Variants in GPN1 observed in about 807,000 individuals in gnomAD.
GPN1 encodes GPN-loop GTPase 1.
Under a neutral mutation model 55.9 loss-of-function variants are expected in GPN1, and 44 were observed. The ratio of observed to expected loss-of-function variants is 0.79; its 90% confidence interval spans 0.62 to 1.01. The LOEUF (loss-of-function observed/expected upper bound fraction) is 1.01, where lower values mean the gene tolerates loss of function less well. Among genes scored for constraint, GPN1 ranks in the 50% least tolerant of loss-of-function variants. GPN1 has a pLI of 0.00. For missense variants in GPN1, 466 were observed against 462.8 expected (o/e 1.01, Z -0.06); for synonymous variants, 179 against 162.5 (o/e 1.10, Z -0.77).
Position 27,640,057 on chromosome 2 carries a change from T to C in GPN1, c.732T>C (p.Ser244=). Residue 244 remains serine, a synonymous_variant, in exon 10 of 14, where the codon TCT becomes TCC. Transcript: ENST00000610189. ...FYSSLRVVGV[S]AVLGTGLDEL... ...CTTTTTGGCAGGTGGTGGGTGTCTC[T>C]GCTGTTCTGGGTACTGGATTAGATG... 1.2e-6 allele frequency: 2 copies of C among 1,611,192 alleles called. No homozygotes were observed. The highest frequency in any genetic ancestry group is 1.7e-6 in the Non-Finnish European group (2 of 1,177,308).
chr2:27,649,575 ATT>A (rs1212613108), intron 13 of GPN1, among the ~76,000 whole-genome samples: 1 of 152,000 alleles, frequency 6.6e-6, no homozygotes, highest in Non-Finnish European at 1.5e-5. Flanking sequence ...CCACTGACTG[ATT>A]TCTGTTCCTT....
At chr2:27,636,905 A>G (rs1673755997) in intron 7 of GPN1, among the ~76,000 whole-genome samples, 1 of 151,904 alleles carries the variant, frequency 6.6e-6, no homozygotes, top group Non-Finnish European at 1.5e-5. Context: ...CTGGTTTTGA[A>G]CTCGTGGGCT....
Position 27,641,267 on chromosome 2 carries a change from G to GA in GPN1, c.834dup (p.Ser279IlefsTer43), listed in dbSNP as rs770163516. On this transcript the variant is annotated frameshift_variant, in exon 11 of 14. Transcript: ENST00000610189. LOFTEE classifies it high-confidence loss of function. The stretch of plus-strand genomic sequence containing the variant: ...AGTATCGTCCTGAATATGAACGTCT[G>GA]AAAAAATCACTGGTAAGAAGGGAGG... 6.2e-6 allele frequency: 10 copies of GA among 1,607,708 alleles called. No homozygotes were observed. The South Asian group carries it at 7.7e-5, about 12-fold the overall frequency.
At chr2:27,629,640 A>G (rs1455085157) in intron 1 of GPN1, among the ~76,000 whole-genome samples, 3 of 152,226 alleles carry the variant, frequency 2.0e-5, no homozygotes, top group African/African-American at 7.2e-5. Flanking sequence ...AATCAAAACA[A>G]GTAAACAAGT....
chr2:27,640,631 T>C (rs1305798587), intron 10 of GPN1, among the ~76,000 whole-genome samples: 1 of 152,270 alleles, frequency 6.6e-6, no homozygotes, highest in Non-Finnish European at 1.5e-5. Context: ...ATAAATGTTA[T>C]AACTATTGTC....
At chr2:27,648,052 G>T in intron 13 of GPN1, 109 bp downstream of exon 13, 1 of 670,666 alleles carries the variant, frequency 1.5e-6, no homozygotes. Context: ...GTGGATAAAG[G>T]ATACAGCACC....
chr2:27,649,275 A>C (rs557898962), intron 13 of GPN1, among the ~76,000 whole-genome samples: 152 of 151,880 alleles, frequency 1.0e-3, no homozygotes, highest in African/African-American at 2.5e-3. Flanking sequence ...AAACAAAAAA[A>C]CACGAAAACC....
chr2:27,647,219 G>A (rs949629313), intron 12 of GPN1, among the ~76,000 whole-genome samples: 1 of 152,184 alleles, frequency 6.6e-6, no homozygotes, highest in Non-Finnish European at 1.5e-5. Context: ...TGAAGAGAGA[G>A]TGACTATGTC....
At chr2:27,640,211 C>A in intron 10 of GPN1, 86 bp downstream of exon 10, 3 of 874,688 alleles carry the variant, frequency 3.4e-6, no homozygotes, top group Non-Finnish European at 5.8e-6. Context: ...AAAAGCATTA[C>A]ATTTTCATGA....
At position 27,629,955 on chromosome 2, in the gene GPN1, G is replaced by T; in HGVS notation, c.205+3G>T. ...AGTTCCCTTTCCTGCCAATATTGGT[G>T]AGTAAACCAGTAACATAACTTGTGT... On this transcript the variant is annotated splice_donor_region_variant and intron_variant, in intron 2 of 13. Coordinates refer to ENST00000610189, the MANE Select transcript of GPN1 (RefSeq NM_007266.4). 1 of 1,475,328 alleles carries T rather than the reference G, an allele frequency of 6.8e-7. No individual in the cohort carries two copies. The allele number at this position is 1,475,328 out of a possible 1,614,324, so 91.4% of individuals were successfully genotyped here.
rs1314058985 is a variant in GPN1 at position 27,641,235 on chromosome 2, T to C, written c.801-5T>C. On this transcript the variant is annotated splice_region_variant and splice_polypyrimidine_tract_variant and intron_variant, in intron 10 of 13. Transcript: ENST00000610189. ...AAGGAATTTAGAAAGTGTTTCTCTT[T>C]ACAGGGAGTATCGTCCTGAATATGA... 1.3e-6 allele frequency: 2 copies of C among 1,598,254 alleles called. No homozygotes were observed. The highest frequency in any genetic ancestry group is 1.7e-5 in the Admixed American group (1 of 59,898).
intron 3 of GPN1, 96 bp downstream of exon 3, chr2:27,631,162 AAT>A: frequency 1.4e-6 from 1 of 714,484 alleles, no homozygotes; most frequent in Non-Finnish European, 2.6e-6. Flanking sequence ...TTCCTTGTGA[AAT>A]ATACAAGCAA....
rs954168876 is a variant in GPN1 at position 27,639,067 on chromosome 2, C to A, written c.717+36C>A. 5.2e-6 allele frequency: 8 copies of A among 1,533,100 alleles called. No homozygotes were observed. The African/African-American group carries it at 5.5e-5, about 11-fold the overall frequency. 95.0% of individuals were successfully genotyped at this position (1,533,100 alleles called of 1,614,324 possible). On this transcript the variant is annotated intron_variant, in intron 9 of 13. Transcript: ENST00000610189. Reference sequence around the variant, plus strand: ...TCTCCTGCTCACACTGACAGCCTCTCCAGATAATCTGTTAACCCATAGGAT... The same window carrying A: ...TCTCCTGCTCACACTGACAGCCTCTACAGATAATCTGTTAACCCATAGGAT...
intron 9 of GPN1, 130 bp from the exon 10 acceptor site, chr2:27,639,913 C>G: frequency 1.4e-6 from 1 of 713,054 alleles, no homozygotes. Flanking sequence ...TTTAGCCTGG[C>G]TTTTTGCCAA....
chr2:27,641,338 CT>C, intron 11 of GPN1, 59 bp downstream of exon 11: 1 of 1,189,474 alleles, frequency 8.4e-7, no homozygotes, highest in Non-Finnish European at 1.3e-6. Flanking sequence ...CCAGCTCAAT[CT>C]TGATGACATA....
rs980809099 is a variant in GPN1, at chr2:27,650,363, A to C, written c.*163A>C. On this transcript the variant is annotated 3_prime_UTR_variant, in exon 14 of 14. Transcript: ENST00000610189. ...GAAATCTTGTGACTCAGATGAAGTC[A>C]GGGATAGAAGACCCTTGGACCTGGC... 1 of 506,948 alleles carries C rather than the reference A, an allele frequency of 2.0e-6. No individual in the cohort carries two copies. The highest frequency in any genetic ancestry group is 3.6e-6 in the Non-Finnish European group (1 of 280,744). 31.4% of individuals were successfully genotyped at this position (506,948 alleles called of 1,614,324 possible).
chr2:27,641,575 A>T (rs1673951808), intron 11 of GPN1, among the ~76,000 whole-genome samples: 1 of 151,986 alleles, frequency 6.6e-6, no homozygotes, highest in South Asian at 2.1e-4. Context: ...TTTGTATAAG[A>T]GTGTAGTGGT....
chr2:27,648,515 T>G (rs1228395601), intron 13 of GPN1, among the ~76,000 whole-genome samples: 1 of 152,116 alleles, frequency 6.6e-6, no homozygotes, highest in East Asian at 1.9e-4. Context: ...TAAGACCATC[T>G]CAAAAACAAA....
intron 4 of GPN1, 98 bp downstream of exon 4, chr2:27,631,998 G>C: frequency 1.3e-6 from 1 of 774,796 alleles, no homozygotes; most frequent in Non-Finnish European, 2.3e-6. Context: ...CAGCAAACCT[G>C]AGCATAAATA....
Sources: allele counts gnomAD v4.1 joint callset (sites outside exome capture counted in the v4.1 genomes callset), GRCh38; gene constraint gnomAD v4.1.1; transcripts MANE v1.5; gene names NCBI Gene and HGNC (gene_info 2026-07-23, HGNC 2026-07-21).